Variants in ITGA1 observed in about 807,000 individuals in gnomAD.
The protein encoded by ITGA1 is integrin alpha-1.
A neutral mutation model predicts 145.9 loss-of-function variants in ITGA1; 85 were observed. That is an observed-to-expected ratio of 0.58 (90% CI 0.49 to 0.70). The LOEUF is 0.70. Among genes scored for constraint, ITGA1 ranks in the 30% least tolerant of loss-of-function variants. ITGA1 has a pLI of 0.00. For missense variants in ITGA1, 1,351 were observed against 1,418.7 expected (o/e 0.95, Z 0.77); for synonymous variants, 520 against 495.3 (o/e 1.05, Z -0.66).
At chr5:52,870,586 T>A (rs1749762724) in intron 6 of ITGA1, among the ~76,000 whole-genome samples, 1 of 152,228 alleles carries the variant, frequency 6.6e-6, no homozygotes, top group South Asian at 2.1e-4. Context: ...CCTGTCTGAA[T>A]TGTCAGAGCA....
At chr5:52,849,659 T>A (rs1478470190) in intron 2 of ITGA1, among the ~76,000 whole-genome samples, 174 bp downstream of exon 2, 5 of 148,472 alleles carry the variant, frequency 3.4e-5, no homozygotes, top group South Asian at 2.2e-4. Flanking sequence ...AAAAAAAAAA[T>A]TCCTTGGCAA....
At chr5:52,920,152 C>T (rs1750709233) in intron 16 of ITGA1, among the ~76,000 whole-genome samples, 180 bp from the exon 17 acceptor site, 1 of 152,128 alleles carries the variant, frequency 6.6e-6, no homozygotes, top group Admixed American at 6.6e-5. Flanking sequence ...TAGAGTTCCT[C>T]AAGGTTATCT....
At chr5:52,861,380 C>A (rs1749597926) in intron 2 of ITGA1, 67 bp from the exon 3 acceptor site, 4 of 896,250 alleles carry the variant, frequency 4.5e-6, no homozygotes, top group South Asian at 4.4e-5. Context: ...TAAAATCAGT[C>A]ATAAAACAAC....
chr5:52,827,805 A>G (rs1748992884), intron 1 of ITGA1, among the ~76,000 whole-genome samples: 1 of 152,214 alleles, frequency 6.6e-6, no homozygotes, highest in African/African-American at 2.4e-5. Flanking sequence ...AATTATTTTA[A>G]GACTAAGGTA....
intron 1 of ITGA1, among the ~76,000 whole-genome samples, chr5:52,833,251 C>G (rs1042511554): frequency 1.3e-5 from 2 of 151,782 alleles, no homozygotes; most frequent in African/African-American, 4.8e-5. Flanking sequence ...TTTAAAAGGC[C>G]ATCTTTGAAA....
chr5:52,801,765 G>C, intron 1 of ITGA1: 2 of 1,614,020 alleles, frequency 1.2e-6, no homozygotes, highest in Non-Finnish European at 1.7e-6. Context: ...AGTTGACTGG[G>C]GTAGCTGCCA....
At chr5:52,910,941 T>C (rs1750502393) in intron 14 of ITGA1, among the ~76,000 whole-genome samples, 1 of 138,060 alleles carries the variant, frequency 7.2e-6, no homozygotes, top group Admixed American at 7.6e-5. Flanking sequence ...ATGGTATGTA[T>C]ACTGTATATA....
chr5:52,932,853 A>G (rs369230041), intron 22 of ITGA1: 2 of 152,152 alleles, frequency 1.3e-5, no homozygotes, highest in African/African-American at 4.8e-5. Flanking sequence ...TCCTCATGAT[A>G]ACACTATGGT....
intron 16 of ITGA1, among the ~76,000 whole-genome samples, 183 bp downstream of exon 16, chr5:52,919,081 A>G (rs567505654): frequency 6.6e-6 from 1 of 152,324 alleles, no homozygotes; most frequent in East Asian, 1.9e-4. Flanking sequence ...TATGGAACCC[A>G]GTCAATTCTG....
intron 1 of ITGA1, chr5:52,803,900 G>A (rs1748539549): frequency 6.6e-6 from 1 of 152,072 alleles, no homozygotes; most frequent in Non-Finnish European, 1.5e-5. Context: ...TCTGGCAGGG[G>A]TCCCCAGTCA....
intron 1 of ITGA1, among the ~76,000 whole-genome samples, chr5:52,832,783 G>C (rs1178291765): frequency 6.9e-6 from 1 of 144,398 alleles, no homozygotes; most frequent in African/African-American, 2.6e-5. Context: ...GTGTGTGTGT[G>C]TGTGTGTGTG....
chr5:52,789,235 A>C (rs1748192060), intron 1 of ITGA1, among the ~76,000 whole-genome samples: 1 of 152,128 alleles, frequency 6.6e-6, no homozygotes, highest in African/African-American at 2.4e-5. Context: ...GGGAAAGTTG[A>C]AATGGTGAAA....
intron 1 of ITGA1, chr5:52,801,886 T>TA (rs1365267447): frequency 7.2e-7 from 1 of 1,393,742 alleles, no homozygotes; most frequent in Admixed American, 2.1e-5. Context: ...CCTAAACTGT[T>TA]ACAGTACATT....
chr5:52,883,883 A>G (rs1750004696), intron 7 of ITGA1, among the ~76,000 whole-genome samples: 1 of 152,190 alleles, frequency 6.6e-6, no homozygotes, highest in Non-Finnish European at 1.5e-5. Flanking sequence ...GAGTTCTGTC[A>G]ATGTCTAATC....
At chr5:52,912,108 CTAGT>C (rs1750562075) in intron 14 of ITGA1, among the ~76,000 whole-genome samples, 1 of 136,358 alleles carries the variant, frequency 7.3e-6, no homozygotes, top group Non-Finnish European at 1.6e-5. Context: ...TATAGCGTAT[CTAGT>C]ATATAGATAC....
chr5:52,853,572 C>T (rs540525106), intron 2 of ITGA1, among the ~76,000 whole-genome samples: 1 of 152,276 alleles, frequency 6.6e-6, no homozygotes, highest in African/African-American at 2.4e-5. Context: ...ATGACAAGTA[C>T]AGTCTGTGTA....
chr5:52,858,854 T>C (rs1749556433), intron 2 of ITGA1, among the ~76,000 whole-genome samples: 1 of 152,188 alleles, frequency 6.6e-6, no homozygotes, highest in Non-Finnish European at 1.5e-5. Flanking sequence ...CTAAGCATTT[T>C]ATATACATTA....
chr5:52,887,406 AG>A (rs1311682507), intron 7 of ITGA1, among the ~76,000 whole-genome samples: 1 of 152,116 alleles, frequency 6.6e-6, no homozygotes. Context: ...CTCAAGCAAA[AG>A]TTTCTGCTAG....
intron 1 of ITGA1, among the ~76,000 whole-genome samples, chr5:52,843,145 A>G (rs1037128769): frequency 3.3e-5 from 5 of 152,308 alleles, no homozygotes; most frequent in Admixed American, 2.6e-4. Context: ...AGGGATCACT[A>G]TCTTTCTATA....
Sources: gnomAD v4.1 joint callset for allele counts (sites outside exome capture counted in the v4.1 genomes callset) on GRCh38, gnomAD v4.1.1 for gene constraint, MANE v1.5 for transcripts, NCBI Gene and HGNC (gene_info 2026-07-23, HGNC 2026-07-21) for gene names.